CNTN6: variants seen among roughly 807,000 people sequenced by gnomAD.
CNTN6 encodes contactin-6.
CNTN6 carries 137 observed loss-of-function variants against 122.8 expected under a neutral mutation model. The ratio of observed to expected loss-of-function variants is 1.12; its 90% CI spans 0.97 to 1.29. CNTN6 has a LOEUF of 1.29. Among genes scored for constraint, CNTN6 ranks in the 50% most tolerant of loss-of-function variants. The pLI is 0.00. For synonymous variants in CNTN6, 570 were observed against 426.0 expected (o/e 1.34, Z -4.16); for missense variants, 1,634 against 1,223.4 (o/e 1.34, Z -5.01).
At chr3:1,303,588 A>G (rs1268855435) in intron 7 of CNTN6, among the ~76,000 whole-genome samples, 1 of 152,088 alleles carries the variant, frequency 6.6e-6, no homozygotes, top group Non-Finnish European at 1.5e-5. Flanking sequence ...CTGCACTGTA[A>G]TTATATAGGA....
At chr3:1,308,813 G>A (rs1235119280) in intron 7 of CNTN6, among the ~76,000 whole-genome samples, 1 of 151,858 alleles carries the variant, frequency 6.6e-6, no homozygotes, top group Non-Finnish European at 1.5e-5. Flanking sequence ...GTTTTGTTTT[G>A]TTTTTTAGCC....
At chr3:1,325,442 G>C (rs1443435323) in intron 8 of CNTN6, among the ~76,000 whole-genome samples, 1 of 151,844 alleles carries the variant, frequency 6.6e-6, no homozygotes, top group African/African-American at 2.4e-5. Context: ...TGAACTTTCA[G>C]ATTTATTCCA....
intron 2 of CNTN6, among the ~76,000 whole-genome samples, chr3:1,202,445 C>T (rs923800256): frequency 2.7e-5 from 4 of 150,548 alleles, no homozygotes; most frequent in Admixed American, 6.6e-5. Flanking sequence ...GAGGCTGAGG[C>T]GGGAGAATGG....
At chr3:1,200,128 G>C (rs1559499642) in intron 2 of CNTN6, among the ~76,000 whole-genome samples, 1 of 152,014 alleles carries the variant, frequency 6.6e-6, no homozygotes, top group Non-Finnish European at 1.5e-5. Flanking sequence ...TCACCTCCTG[G>C]GTTTAAGTGA....
chr3:1,173,595 C>T (rs971286452), intron 2 of CNTN6, among the ~76,000 whole-genome samples: 2 of 152,300 alleles, frequency 1.3e-5, no homozygotes, highest in African/African-American at 2.4e-5. Context: ...TATCACACCA[C>T]CTCCCTGTGA....
At chr3:1,154,584 C>T (rs889227852) in intron 2 of CNTN6, among the ~76,000 whole-genome samples, 5 of 151,890 alleles carry the variant, frequency 3.3e-5, no homozygotes, top group African/African-American at 7.3e-5. Flanking sequence ...GCTGGGATTA[C>T]GGGCATGCAC....
chr3:1,160,372 A>ATATATATATATATATATATATATAT (rs1480647240), intron 2 of CNTN6, among the ~76,000 whole-genome samples: 1 of 138,226 alleles, frequency 7.2e-6, no homozygotes, highest in Non-Finnish European at 1.6e-5. Context: ...ATATATACAC[A>ATATATATATATATATATATATATAT]CTACCTATAT....
At chr3:1,264,787 T>C (rs2094901064) in intron 4 of CNTN6, among the ~76,000 whole-genome samples, 1 of 152,168 alleles carries the variant, frequency 6.6e-6, no homozygotes. Flanking sequence ...TACCACTCTG[T>C]GCAATAGATC....
intron 2 of CNTN6, among the ~76,000 whole-genome samples, chr3:1,185,702 T>TGAA (rs2093619679): frequency 6.6e-6 from 1 of 152,326 alleles, no homozygotes; most frequent in Middle Eastern, 3.4e-3. Flanking sequence ...GAGTACGGAC[T>TGAA]GAAGACTGCA....
At chr3:1,388,387 A>G (rs1693502129) in intron 20 of CNTN6, among the ~76,000 whole-genome samples, 2 of 150,014 alleles carry the variant, frequency 1.3e-5, no homozygotes, top group Non-Finnish European at 3.0e-5. Flanking sequence ...AACAGAAAGG[A>G]CATCCACACC....
chr3:1,393,726 C>T (rs79496406), intron 20 of CNTN6, among the ~76,000 whole-genome samples: 2,887 of 151,486 alleles, frequency 0.019, 96 homozygotes, highest in African/African-American at 0.066. Context: ...CTCAGGTCAA[C>T]TTTTATTATA....
intron 1 of CNTN6, among the ~76,000 whole-genome samples, chr3:1,128,944 C>T (rs2092258583): frequency 1.3e-5 from 2 of 151,910 alleles, no homozygotes; most frequent in African/African-American, 4.8e-5. Flanking sequence ...CTTCTCTAAT[C>T]TTCACTTCAA....
intron 1 of CNTN6, among the ~76,000 whole-genome samples, chr3:1,125,160 C>T (rs1334738408): frequency 6.6e-6 from 1 of 151,794 alleles, no homozygotes; most frequent in Non-Finnish European, 1.5e-5. Flanking sequence ...CAGAAATAAC[C>T]AATGGAAATA....
intron 1 of CNTN6, among the ~76,000 whole-genome samples, chr3:1,144,739 C>G (rs2092688799): frequency 6.6e-6 from 1 of 152,046 alleles, no homozygotes; most frequent in African/African-American, 2.4e-5. Flanking sequence ...TTCTACGGTA[C>G]TGGGTATGAT....
At chr3:1,260,123 C>T (rs1165427987) in intron 4 of CNTN6, among the ~76,000 whole-genome samples, 2 of 152,088 alleles carry the variant, frequency 1.3e-5, no homozygotes, top group East Asian at 3.9e-4. Context: ...GTGAAAGTGC[C>T]TATAAACCAT....
intron 1 of CNTN6, among the ~76,000 whole-genome samples, chr3:1,120,402 T>A (rs902895691): frequency 3.3e-5 from 5 of 152,084 alleles, no homozygotes; most frequent in African/African-American, 1.2e-4. Flanking sequence ...TTATTCTGGG[T>A]ATGAAGTGCT....
chr3:1,343,103 A>G (rs1006769542), intron 11 of CNTN6, among the ~76,000 whole-genome samples: 3 of 152,114 alleles, frequency 2.0e-5, no homozygotes, highest in South Asian at 2.1e-4. Context: ...TAAATAGTAA[A>G]TATGTTTTCT....
rs2091960610 is a variant in CNTN6, at chr3:1,121,855, T to TATTGC, written c.-82-26071_-82-26067dup. On this transcript the variant is annotated intron_variant, in intron 1 of 22. Coordinates refer to ENST00000446702, the MANE Select transcript of CNTN6 (RefSeq NM_001289080.2). ...CTCCAAACATGAGAAAACACATGTG[T>TATTGC]ATTGCCTTTTCCTTCTTTGTATAAT... Among the ~76,000 whole-genome samples the TATTGC allele has an allele frequency of 2.0e-5, 3 of 151,956 alleles. No individual in the cohort carries two copies. The South Asian group carries it at 6.2e-4, about 31-fold the overall frequency.
At chr3:1,171,557 C>T (rs1010509666) in intron 2 of CNTN6, among the ~76,000 whole-genome samples, 2 of 152,182 alleles carry the variant, frequency 1.3e-5, no homozygotes, top group African/African-American at 4.8e-5. Context: ...CAAAAACTGG[C>T]TTGACTCCCA....
Sources: gnomAD v4.1 joint callset for allele counts (sites outside exome capture counted in the v4.1 genomes callset) on GRCh38, gnomAD v4.1.1 for gene constraint, MANE v1.5 for transcripts, NCBI Gene and HGNC (gene_info 2026-07-23, HGNC 2026-07-21) for gene names.